Variants in GJC1 observed in about 807,000 individuals in gnomAD.
GJC1 encodes the protein gap junction protein gamma 1.
A neutral mutation model predicts 29.3 loss-of-function variants in GJC1; 5 were observed. The observed-to-expected ratio is 0.17, with a 90% CI of 0.09 to 0.36. GJC1 has a LOEUF of 0.36. GJC1 is among the 10% of genes least tolerant of loss of function. GJC1 has a pLI of 1.00. For missense variants in GJC1, 310 were observed against 496.2 expected, an observed-to-expected ratio of 0.62 and a Z score of 3.56; for synonymous variants, 177 against 183.3, an observed-to-expected ratio of 0.97 and a Z score of 0.28.
At chr17:44,796,824 TAC>T (rs980046146), downstream of GJC1, among the ~76,000 whole-genome samples, 6 of 139,674 alleles carry the variant, frequency 4.3e-5, no homozygotes, top group South Asian at 2.3e-4. Flanking sequence ...CACACACACA[TAC>T]ACACACACAC....
At position 44,803,880 on chromosome 17, in the gene GJC1, T is replaced by C. The variant is rs1172552779; in HGVS notation, c.*747A>G. The C allele has an allele frequency of 1.3e-5, 2 of 152,226 alleles. No homozygotes were observed. Among genetic ancestry groups the C allele is most frequent in the East Asian group, 1.9e-4 (1 of 5,202 alleles). The allele number at this position is 152,226 out of a possible 1,614,324, so 9.4% of individuals were successfully genotyped here. A position where few individuals can be genotyped will look rare whatever the true frequency, so the allele number is the denominator to read the frequency against. On this transcript the variant is annotated 3_prime_UTR_variant, in exon 3 of 3. Transcript: ENST00000592524. ...GAAAGAACTTTAAGTTATATACATA[T>C]ACCATCAAAGCATATACTGGTGATG...
At chr17:44,797,151 G>A (rs2049788938), downstream of GJC1, among the ~76,000 whole-genome samples, 1 of 151,998 alleles carries the variant, frequency 6.6e-6, no homozygotes, top group African/African-American at 2.4e-5. Flanking sequence ...TGTTGCCCAG[G>A]CTGGAGTGCA....
At position 44,798,605 on chromosome 17, in the gene GJC1, T is replaced by A. The variant is rs2049802397; in HGVS notation, c.*6022A>T. On this transcript the variant is annotated 3_prime_UTR_variant, in exon 3 of 3. Transcript: ENST00000592524. The stretch of plus-strand genomic sequence containing the variant: ...GCACTAGAACAGGTGATTCCTTAGC[T>A]GTTCATGCAATATCCAAACTGCACA... The A allele has an allele frequency of 2.0e-5, 3 of 152,238 alleles. No homozygotes were observed. Among genetic ancestry groups the A allele is most frequent in the African/African-American group, 7.2e-5 (3 of 41,462 alleles). The allele number at this position is 152,238 out of a possible 1,614,324, so 9.4% of individuals were successfully genotyped here. A position where few individuals can be genotyped will look rare whatever the true frequency, so the allele number is the denominator to read the frequency against.
chr17:44,805,944 T>G lies in GJC1; in HGVS notation c.-20-107A>C, dbSNP rs1260652901. The G allele has an allele frequency of 6.4e-6, 4 of 626,698 alleles. No homozygotes were observed. The East Asian group carries it at 1.1e-4, about 18-fold the overall frequency. 38.8% of individuals were successfully genotyped at this position (626,698 alleles called of 1,614,324 possible). A position where few individuals can be genotyped will look rare whatever the true frequency, so the allele number is the denominator to read the frequency against. The stretch of plus-strand genomic sequence containing the variant: ...ACTACTGCTTTGAATACTTGAAATC[T>G]AACCTCAAGGTTCACAGTGGAACAA... On this transcript the variant is annotated intron_variant, in intron 2 of 2. Transcript: ENST00000592524. This position sits in a 1 kb window ranked among gnomAD's most constrained non-coding sequence, Gnocchi z 5.1.
chr17:44,809,605 T>C (rs1405859577), intron 1 of GJC1, among the ~76,000 whole-genome samples: 16 of 151,768 alleles, frequency 1.1e-4, no homozygotes, highest in Non-Finnish European at 2.9e-5. Flanking sequence ...AGTTTCACTC[T>C]TGTTGTCCAG....
chr17:44,822,295 G>A (rs1360249046), intron 1 of GJC1, among the ~76,000 whole-genome samples: 1 of 151,608 alleles, frequency 6.6e-6, no homozygotes, highest in East Asian at 1.9e-4. Flanking sequence ...AATAAGGAGG[G>A]AGTAACTGCT....
At chr17:44,806,302 C>A (rs2049911932) in intron 2 of GJC1, among the ~76,000 whole-genome samples, 1 of 152,034 alleles carries the variant, frequency 6.6e-6, no homozygotes, top group South Asian at 2.1e-4. Context: ...CCACAAGGTC[C>A]CAGAAAGTAT....
At chr17:44,824,966 A>C (rs141088837) in intron 1 of GJC1, among the ~76,000 whole-genome samples, 1 of 150,152 alleles carries the variant, frequency 6.7e-6, no homozygotes, top group African/African-American at 2.4e-5. Context: ...TGTAATCCCC[A>C]TATTTGAGAG....
chr17:44,797,003 T>A (rs1399539779), downstream of GJC1, among the ~76,000 whole-genome samples: 1 of 152,160 alleles, frequency 6.6e-6, no homozygotes, highest in East Asian at 1.9e-4. Flanking sequence ...AGTACTACCA[T>A]GCCTAGCTAA....
At chr17:44,822,624 C>A (rs1358721770) in intron 1 of GJC1, among the ~76,000 whole-genome samples, 2 of 102,252 alleles carry the variant, frequency 2.0e-5, no homozygotes, top group African/African-American at 7.9e-5. Flanking sequence ...GCCTGAGCAA[C>A]AAGAGCGAAA....
intron 1 of GJC1, 111 bp downstream of exon 1, chr17:44,829,951 C>G (rs2050213186): frequency 6.6e-6 from 1 of 152,148 alleles, no homozygotes; most frequent in East Asian, 2.0e-4. Flanking sequence ...CCCCGGACCT[C>G]CGGAGGTTCT....
chr17:44,798,452 T>C lies in GJC1; in HGVS notation c.*6175A>G, dbSNP rs2145277334. ...AAAGGAAACACAAACCACAAATGAATCTTCAAAACTGTATTTGGAATTGAC... is the reference window on the plus strand; with the variant it reads ...AAAGGAAACACAAACCACAAATGAACCTTCAAAACTGTATTTGGAATTGAC... On this transcript the variant is annotated 3_prime_UTR_variant, in exon 3 of 3. Transcript: ENST00000592524. 6.6e-6 allele frequency: 1 copy of C among 152,312 alleles called. No individual in the cohort carries two copies. The highest frequency in any genetic ancestry group is 2.1e-4 in the South Asian group (1 of 4,826). 9.4% of individuals were successfully genotyped at this position (152,312 alleles called of 1,614,324 possible).
chr17:44,828,899 T>TTAA (rs2050202028), intron 1 of GJC1, among the ~76,000 whole-genome samples: 1 of 152,024 alleles, frequency 6.6e-6, no homozygotes, highest in South Asian at 2.1e-4. Flanking sequence ...TTTCTACAGA[T>TTAA]ATTAAAGTAC....
downstream of GJC1, chr17:44,794,544 G>A (rs73307228): frequency 6.6e-6 from 1 of 152,202 alleles, no homozygotes; most frequent in African/African-American, 2.4e-5. Context: ...CAGAAAAATG[G>A]GCCAGGCCAA....
At chr17:44,806,409 T>TG (rs986006599) in intron 2 of GJC1, among the ~76,000 whole-genome samples, 3 of 151,038 alleles carry the variant, frequency 2.0e-5, no homozygotes, top group Non-Finnish European at 3.0e-5. Flanking sequence ...TTGTTTTTTT[T>TG]TTTTTTTTTT....
intron 1 of GJC1, among the ~76,000 whole-genome samples, chr17:44,812,518 A>T (rs1289066428): frequency 6.6e-6 from 1 of 152,024 alleles, no homozygotes; most frequent in Non-Finnish European, 1.5e-5. Flanking sequence ...ACAAACAAAC[A>T]CACACAAAAA....
At chr17:44,821,711 AAAAAAAAAAAAAAAC>A (rs1276336442) in intron 1 of GJC1, among the ~76,000 whole-genome samples, 2 of 148,426 alleles carry the variant, frequency 1.3e-5, no homozygotes, top group African/African-American at 5.0e-5. Flanking sequence ...AAAAAAAAAA[AAAAAAAAAAAAAAAC>A]AACAAAAAAA....
chr17:44,815,941 A>C (rs1043657370), intron 1 of GJC1, among the ~76,000 whole-genome samples: 3 of 151,796 alleles, frequency 2.0e-5, no homozygotes, highest in South Asian at 2.1e-4. Context: ...GTGAAACCCC[A>C]TCTCTACTAA....
chr17:44,825,188 CAAAAAAAAAAAAA>C (rs1162077867), intron 1 of GJC1, among the ~76,000 whole-genome samples: 26 of 45,984 alleles, frequency 5.7e-4, no homozygotes, highest in Middle Eastern at 0.045. Flanking sequence ...GTCTCAATTA[CAAAAAAAAAAAAA>C]AAAAAAAAAA....
Sources: gnomAD v4.1 joint callset for allele counts (sites outside exome capture counted in the v4.1 genomes callset) on GRCh38, gnomAD v4.1.1 for gene constraint, Gnocchi (gnomAD v3.1) non-coding constraint, MANE v1.5 for transcripts, NCBI Gene and HGNC (gene_info 2026-07-23, HGNC 2026-07-21) for gene names.